Variants in CADPS2 observed in about 807,000 individuals in gnomAD.
CADPS2 encodes the protein calcium-dependent secretion activator 2.
Under a neutral mutation model 172.5 loss-of-function variants are expected in CADPS2, and 93 were observed. The ratio of observed to expected loss-of-function variants is 0.54; its 90% confidence interval spans 0.46 to 0.64. CADPS2 has a LOEUF of 0.64. CADPS2 is among the 30% of genes least tolerant of loss of function. The probability of loss-of-function intolerance (pLI) is 0.00; values close to 1 mark genes in which losing one functional copy is unlikely to be tolerated. For synonymous variants in CADPS2, 546 were observed against 555.2 expected (o/e 0.98, Z 0.23); for missense variants, 1,420 against 1,565.9 (o/e 0.91, Z 1.57).
At chr7:122,404,312 A>G (rs538814670) in intron 20 of CADPS2, among the ~76,000 whole-genome samples, 44 of 152,300 alleles carry the variant, frequency 2.9e-4, no homozygotes, top group African/African-American at 1.0e-3. Context: ...GTCCCTACAA[A>G]GGACATGAAC....
chr7:122,488,108 A>C (rs2057997814), intron 11 of CADPS2, among the ~76,000 whole-genome samples: 1 of 152,200 alleles, frequency 6.6e-6, no homozygotes, highest in African/African-American at 2.4e-5. Context: ...GTAAGAAACA[A>C]ATTTATAAAA....
chr7:122,320,230 CAG>C lies in CADPS2; in HGVS notation c.3824_3825del (p.Ser1275CysfsTer16). The C allele has an allele frequency of 6.2e-7, 1 of 1,613,154 alleles. No individual in the cohort carries two copies. Among genetic ancestry groups the C allele is most frequent in the East Asian group, 2.2e-5 (1 of 44,820 alleles). The stretch of plus-strand genomic sequence containing the variant: ...CCCTGAAGTCCTCCTCCTTCTGAAA[CAG>C]AGGCTGTGGCCTCCTCTACTGTTAA... ...RRLTVEEATA[S>X]VSEGGGLQGI... On this transcript the variant is annotated frameshift_variant, in exon 30 of 30. Coordinates refer to ENST00000449022, the MANE Select transcript of CADPS2 (RefSeq NM_017954.11). LOFTEE classifies it high-confidence loss of function.
chr7:122,702,260 A>G (rs1350882763), intron 2 of CADPS2: 1 of 1,613,846 alleles, frequency 6.2e-7, no homozygotes, highest in South Asian at 1.1e-5. Flanking sequence ...AATCGAGTGC[A>G]AAATTTCCAT....
intron 27 of CADPS2, among the ~76,000 whole-genome samples, chr7:122,346,966 A>G (rs2037758494): frequency 1.3e-5 from 2 of 152,216 alleles, no homozygotes; most frequent in African/African-American, 4.8e-5. Flanking sequence ...AATGATAACT[A>G]TCTATCACTA....
In CADPS2 at chr7:122,319,272, T is replaced by C. The variant is rs971940684; in HGVS notation, c.*893A>G. 2.0e-5 allele frequency: 3 copies of C among 152,142 alleles called. No individual in the cohort carries two copies. Among genetic ancestry groups the C allele is most frequent in the African/African-American group, 7.2e-5 (3 of 41,412 alleles). The allele number at this position is 152,142 out of a possible 1,614,324, so 9.4% of individuals were successfully genotyped here. A position where few individuals can be genotyped will look rare whatever the true frequency, so the allele number is the denominator to read the frequency against. ...ACTCATTTGATTAAAAACAAAATAT[T>C]ACAAACAAAACAAACAAAAAACTCA... On this transcript the variant is annotated 3_prime_UTR_variant, in exon 30 of 30. Transcript: ENST00000449022.
At chr7:122,825,755 C>G (rs1303792549) in intron 1 of CADPS2, among the ~76,000 whole-genome samples, 2 of 152,046 alleles carry the variant, frequency 1.3e-5, no homozygotes, top group African/African-American at 4.8e-5. Flanking sequence ...CAAAGACATT[C>G]AATGTCAGCA....
chr7:122,870,937 T>A (rs900690945), intron 1 of CADPS2, among the ~76,000 whole-genome samples: 2 of 152,040 alleles, frequency 1.3e-5, no homozygotes. Flanking sequence ...AGGAAACTTT[T>A]TGAAGATATA....
chr7:122,498,401 CT>C (rs1308544944), intron 9 of CADPS2, among the ~76,000 whole-genome samples: 1 of 152,118 alleles, frequency 6.6e-6, no homozygotes, highest in Non-Finnish European at 1.5e-5. Flanking sequence ...ATTTAAAAAT[CT>C]TCCCATTATC....
At chr7:122,645,539 T>C (rs1447640531) in intron 3 of CADPS2, among the ~76,000 whole-genome samples, 2 of 132,432 alleles carry the variant, frequency 1.5e-5, no homozygotes, top group African/African-American at 2.7e-5. Context: ...TATATATATA[T>C]ACTTATATAT....
At chr7:122,594,939 T>C (rs578142485) in intron 6 of CADPS2, among the ~76,000 whole-genome samples, 11 of 151,938 alleles carry the variant, frequency 7.2e-5, no homozygotes, top group African/African-American at 1.2e-4. Context: ...CTTCAAAGCA[T>C]AAAACATGCA....
chr7:122,771,307 G>A (rs770377503), intron 1 of CADPS2, among the ~76,000 whole-genome samples: 2 of 152,156 alleles, frequency 1.3e-5, no homozygotes, highest in Non-Finnish European at 2.9e-5. Flanking sequence ...AGAACACTCC[G>A]GTAGCAATGA....
At chr7:122,350,126 C>T (rs917690557) in intron 27 of CADPS2, among the ~76,000 whole-genome samples, 7 of 152,104 alleles carry the variant, frequency 4.6e-5, no homozygotes, top group African/African-American at 9.7e-5. Context: ...TAATATCCTG[C>T]GTTATGATTA....
At chr7:122,471,243 T>G in intron 14 of CADPS2, 132 bp downstream of exon 14, 79 of 450,606 alleles carry the variant, frequency 1.8e-4, no homozygotes, top group East Asian at 3.7e-4. Context: ...TCTCTGTCGT[T>G]TTTTTTTTTT....
At chr7:122,681,802 C>G (rs940688465) in intron 2 of CADPS2, 6 of 482,452 alleles carry the variant, frequency 1.2e-5, no homozygotes, top group Non-Finnish European at 1.8e-5. Flanking sequence ...AAAATAAAAC[C>G]CTTAGACCAA....
intron 8 of CADPS2, among the ~76,000 whole-genome samples, chr7:122,519,240 T>TAAA (rs1473729812): frequency 1.3e-5 from 2 of 152,070 alleles, no homozygotes; most frequent in Non-Finnish European, 2.9e-5. Flanking sequence ...ATTGAACTAT[T>TAAA]TCCAATGCAT....
intron 28 of CADPS2, among the ~76,000 whole-genome samples, chr7:122,329,132 T>C (rs2034466902): frequency 2.6e-5 from 4 of 152,312 alleles, no homozygotes; most frequent in South Asian, 4.1e-4. Context: ...ACCAGGGCTA[T>C]AAACGCTTGC....
At chr7:122,696,887 G>A (rs1176900200) in intron 2 of CADPS2, among the ~76,000 whole-genome samples, 2 of 152,070 alleles carry the variant, frequency 1.3e-5, no homozygotes, top group Non-Finnish European at 2.9e-5. Flanking sequence ...ATACTCGAGT[G>A]CCAGGAACTC....
intron 2 of CADPS2, among the ~76,000 whole-genome samples, chr7:122,735,392 A>G (rs2092078692): frequency 6.6e-6 from 1 of 152,040 alleles, no homozygotes; most frequent in African/African-American, 2.4e-5. Context: ...CACTTTTTTT[A>G]TTCATATATG....
At chr7:122,540,775 A>AT (rs1213854361) in intron 8 of CADPS2, among the ~76,000 whole-genome samples, 1 of 152,004 alleles carries the variant, frequency 6.6e-6, no homozygotes, top group African/African-American at 2.4e-5. Flanking sequence ...TTGTCTAGTA[A>AT]TTTTTCATTT....
Sources: allele counts gnomAD v4.1 joint callset (sites outside exome capture counted in the v4.1 genomes callset), GRCh38; gene constraint gnomAD v4.1.1; transcripts MANE v1.5; gene names NCBI Gene and HGNC (gene_info 2026-07-23, HGNC 2026-07-21).